Variants in PTPRG observed in about 807,000 individuals in gnomAD.
PTPRG encodes the protein receptor-type tyrosine-protein phosphatase gamma.
A neutral mutation model predicts 165.3 loss-of-function variants in PTPRG; 102 were observed. The ratio of observed to expected loss-of-function variants is 0.62; its 90% CI spans 0.53 to 0.73. The LOEUF is 0.73. Among genes scored for constraint, PTPRG ranks in the 30% least tolerant of loss-of-function variants. The pLI is 0.00. For synonymous variants in PTPRG, 675 were observed against 669.5 expected, an observed-to-expected ratio of 1.01 and a Z score of -0.13; for missense variants, 1,866 against 1,861.4, an observed-to-expected ratio of 1.00 and a Z score of -0.05.
At chr3:61,792,015 C>G (rs185992806) in intron 2 of PTPRG, among the ~76,000 whole-genome samples, 1 of 152,080 alleles carries the variant, frequency 6.6e-6, no homozygotes, top group African/African-American at 2.4e-5. Flanking sequence ...ATCTTTAGTT[C>G]TAGACACTGG....
chr3:62,193,051 A>G (rs79052665), intron 9 of PTPRG, among the ~76,000 whole-genome samples: 1,787 of 152,326 alleles, frequency 0.012, 15 homozygotes, highest in Middle Eastern at 0.041. Flanking sequence ...GCTTCGTGAA[A>G]TCAAAGAGGA....
At chr3:62,000,636 G>C (rs919614715) in intron 3 of PTPRG, among the ~76,000 whole-genome samples, 23 of 152,042 alleles carry the variant, frequency 1.5e-4, no homozygotes, top group African/African-American at 5.3e-4. Flanking sequence ...TAAAATAAAA[G>C]ATCTCCTCCC....
intron 1 of PTPRG, among the ~76,000 whole-genome samples, chr3:61,700,642 T>C (rs2030902361): frequency 6.6e-6 from 1 of 152,234 alleles, no homozygotes; most frequent in African/African-American, 2.4e-5. Flanking sequence ...TTGACTGTTT[T>C]GGGAGGCTCA....
Position 62,210,263 on chromosome 3 carries a change from T to G in PTPRG, c.2155+6313T>G, listed in dbSNP as rs140780013. ...AGTGTCCTGTTGCAAGAGAACATATTTATTTGTAACTGATGAACAATCATT... is the reference window on the plus strand; with the variant it reads ...AGTGTCCTGTTGCAAGAGAACATATGTATTTGTAACTGATGAACAATCATT... On this transcript the variant is annotated intron_variant, in intron 12 of 29. Coordinates refer to ENST00000474889, the MANE Select transcript of PTPRG (RefSeq NM_002841.4). The surrounding 1 kb of genome is among the most constrained non-coding windows in gnomAD (Gnocchi z 4.1). Among the ~76,000 whole-genome samples the G allele has an allele frequency of 6.6e-6, 1 of 152,320 alleles. No homozygotes were observed. Among genetic ancestry groups the G allele is most frequent in the East Asian group, 1.9e-4 (1 of 5,176 alleles).
At chr3:62,013,883 C>G (rs1350685784) in intron 4 of PTPRG, among the ~76,000 whole-genome samples, 1 of 151,958 alleles carries the variant, frequency 6.6e-6, no homozygotes, top group Non-Finnish European at 1.5e-5. Context: ...TCAGAATCCA[C>G]TTCCAAGCTC....
intron 5 of PTPRG, among the ~76,000 whole-genome samples, chr3:62,113,665 T>C (rs565295324): frequency 6.6e-6 from 1 of 152,312 alleles, no homozygotes; most frequent in East Asian, 1.9e-4. Context: ...GATCCTACCC[T>C]CTGGAGGGAA....
At chr3:61,705,660 T>C (rs893372711) in intron 1 of PTPRG, among the ~76,000 whole-genome samples, 5 of 152,200 alleles carry the variant, frequency 3.3e-5, no homozygotes, top group Admixed American at 2.0e-4. Flanking sequence ...CTTGGTTATT[T>C]TACCAGGACC....
intron 10 of PTPRG, among the ~76,000 whole-genome samples, chr3:62,196,504 G>C (rs114617667): frequency 6.6e-6 from 1 of 152,174 alleles, no homozygotes; most frequent in Non-Finnish European, 1.5e-5. Flanking sequence ...AGTAGAGATA[G>C]ATACACTCTG....
rs1184646547 is a variant in PTPRG at position 61,889,000 on chromosome 3, C to G, written c.191-100625C>G. 2.0e-5 allele frequency among the ~76,000 whole-genome samples: 3 copies of G among 152,324 alleles called. No individual in the cohort carries two copies. The East Asian group carries it at 5.8e-4, about 29-fold the overall frequency. On this transcript the variant is annotated intron_variant, in intron 2 of 29. Coordinates refer to ENST00000474889, the MANE Select transcript of PTPRG (RefSeq NM_002841.4). ...TAGTGATATTGTGTTTTTCTCAGTG[C>G]ATATCAGGAGGCAGTGGATGCCAGT...
At chr3:61,759,173 T>C (rs1377674862) in intron 2 of PTPRG, among the ~76,000 whole-genome samples, 4 of 152,336 alleles carry the variant, frequency 2.6e-5, no homozygotes, top group Admixed American at 2.6e-4. Context: ...TTGTCTTTCT[T>C]GCTATTAAAA....
intron 2 of PTPRG, among the ~76,000 whole-genome samples, chr3:61,811,859 G>A (rs185848675): frequency 6.6e-6 from 1 of 152,244 alleles, no homozygotes; most frequent in Non-Finnish European, 1.5e-5. Flanking sequence ...GTTTTATTTT[G>A]TTCCTCTGCC....
At chr3:61,644,255 C>T (rs146565279) in intron 1 of PTPRG, among the ~76,000 whole-genome samples, 79 of 152,296 alleles carry the variant, frequency 5.2e-4, no homozygotes, top group African/African-American at 1.6e-3. Context: ...TATCATTTCT[C>T]ACAAGTCTTA....
intron 2 of PTPRG, among the ~76,000 whole-genome samples, chr3:61,847,869 A>G (rs1575718406): frequency 1.3e-5 from 2 of 152,242 alleles, no homozygotes; most frequent in East Asian, 3.8e-4. Context: ...GTGACGGACG[A>G]ATTTCTGATT....
chr3:61,639,567 G>A (rs115757255), intron 1 of PTPRG, among the ~76,000 whole-genome samples: 3,696 of 146,678 alleles, frequency 0.025, 131 homozygotes, highest in African/African-American at 0.087. Flanking sequence ...CCATTTGTTT[G>A]TGTCATTTGT....
At chr3:61,857,427 A>G (rs1171814463) in intron 2 of PTPRG, among the ~76,000 whole-genome samples, 1 of 152,146 alleles carries the variant, frequency 6.6e-6, no homozygotes, top group African/African-American at 2.4e-5. Context: ...TTGATTGATT[A>G]ATGATGTCTG....
intron 2 of PTPRG, among the ~76,000 whole-genome samples, chr3:61,965,668 G>A (rs2040255049): frequency 6.6e-6 from 1 of 152,148 alleles, no homozygotes; most frequent in Non-Finnish European, 1.5e-5. Context: ...TGTGTGTTTA[G>A]CATTGGGCAA....
At chr3:61,589,258 G>A (rs756809709) in intron 1 of PTPRG, among the ~76,000 whole-genome samples, 4 of 152,228 alleles carry the variant, frequency 2.6e-5, no homozygotes, top group Middle Eastern at 3.4e-3. Context: ...TGTGTAGCCT[G>A]CATGCCTAAA....
rs78457222 is a variant in PTPRG at position 62,053,761 on chromosome 3, C to G, written c.520-24402C>G. ...TGGCCTCTGTTCTGGGATTTTTTCT[C>G]ATCTAAATGTAAACTAAAATATAGA... On this transcript the variant is annotated intron_variant, in intron 4 of 29. Coordinates refer to ENST00000474889, the MANE Select transcript of PTPRG (RefSeq NM_002841.4). Among the ~76,000 whole-genome samples, 126 of 152,226 alleles carry G rather than the reference C, an allele frequency of 8.3e-4. No homozygotes were observed. In the East Asian group the frequency reaches 0.018, roughly 22 times the overall value.
At chr3:61,950,379 G>A (rs546527498) in intron 2 of PTPRG, among the ~76,000 whole-genome samples, 5 of 152,296 alleles carry the variant, frequency 3.3e-5, no homozygotes, top group African/African-American at 9.6e-5. Flanking sequence ...GGGAGTTCCA[G>A]TCTTGTGGAA....
Sources: allele counts gnomAD v4.1 joint callset (sites outside exome capture counted in the v4.1 genomes callset), GRCh38; gene constraint gnomAD v4.1.1; non-coding constraint Gnocchi (gnomAD v3.1); transcripts MANE v1.5; gene names NCBI Gene and HGNC (gene_info 2026-07-23, HGNC 2026-07-21).